CPLANE1: variants seen among roughly 807,000 people sequenced by gnomAD.
CPLANE1 encodes the protein ciliogenesis and planar polarity effector complex subunit 1.
Under a neutral mutation model 362.5 loss-of-function variants are expected in CPLANE1, and 263 were observed. The ratio of observed to expected loss-of-function variants is 0.73; its 90% confidence interval spans 0.66 to 0.80. The LOEUF (loss-of-function observed/expected upper bound fraction) is 0.80. Ranked by LOEUF, CPLANE1 falls within the 30% of genes least tolerant of loss-of-function variation. The pLI, the probability that CPLANE1 is intolerant of heterozygous loss-of-function variation, is 0.00. For synonymous variants in CPLANE1, 1,212 were observed against 1,302.6 expected (o/e 0.93, Z 1.50); for missense variants, 3,461 against 3,793.4 (o/e 0.91, Z 2.30).
At chr5:37,191,039 G>A (rs1482943890) in intron 21 of CPLANE1, among the ~76,000 whole-genome samples, 2 of 152,138 alleles carry the variant, frequency 1.3e-5, no homozygotes, top group Non-Finnish European at 2.9e-5. Context: ...TCTAGAAGAA[G>A]GCATTGTTAT....
intron 41 of CPLANE1, 74 bp from the exon 42 acceptor site, chr5:37,154,067 G>T: frequency 7.6e-7 from 1 of 1,319,922 alleles, no homozygotes; most frequent in Non-Finnish European, 1.0e-6. Flanking sequence ...CTCATTTTTT[G>T]ATGACTTCAT....
At chr5:37,075,933 G>T in the CPLANE1 span, among the ~76,000 whole-genome samples, 8 of 151,920 alleles carry the variant, frequency 5.3e-5, no homozygotes, top group Admixed American at 5.2e-4. Flanking sequence ...TTTAATACAG[G>T]TATTGCACTC....
At chr5:37,212,512 AAG>A (rs906801390) in intron 16 of CPLANE1, 11 of 579,530 alleles carry the variant, frequency 1.9e-5, no homozygotes, top group East Asian at 6.6e-5. Context: ...AAAAAAAAGA[AAG>A]AAACTACAAA....
chr5:37,100,212 G>T, the CPLANE1 span, among the ~76,000 whole-genome samples: 1 of 152,092 alleles, frequency 6.6e-6, no homozygotes, highest in African/African-American at 2.4e-5. Context: ...GTACTGCCTA[G>T]ATTTTCTTCT....
intron 21 of CPLANE1, 40 bp from the exon 22 acceptor site, chr5:37,187,882 T>C: frequency 7.1e-7 from 1 of 1,409,852 alleles, no homozygotes; most frequent in Non-Finnish European, 9.9e-7. Flanking sequence ...ATCACATGAG[T>C]ATGTACATTA....
At chr5:37,198,608 C>A (rs1359670377) in intron 20 of CPLANE1, 94 bp downstream of exon 20, 1 of 1,237,700 alleles carries the variant, frequency 8.1e-7, no homozygotes, top group East Asian at 2.6e-5. Flanking sequence ...TAGGGCAGGA[C>A]TCCTTGGGAA....
In CPLANE1 at chr5:37,173,755, C is replaced by T. The variant is rs774414058; in HGVS notation, c.6171G>A (p.Gln2057=). 1.9e-6 allele frequency: 3 copies of T among 1,613,038 alleles called. No individual in the cohort carries two copies. Among genetic ancestry groups the T allele is most frequent in the Admixed American group, 3.3e-5 (2 of 59,964 alleles). The change falls in exon 32 of 53, where the codon CAG becomes CAA. Residue 2057 remains glutamine (Q), a splice_region_variant and synonymous_variant. Coordinates refer to ENST00000651892, the MANE Select transcript of CPLANE1 (RefSeq NM_001384732.1). ...MLQDEMFKLV[Q]LQQINFMSLM... is the part of the protein sequence containing the mutation. ...CTTACTTATATAGAGATGTGCTTAC[C>T]TGAACTAATTTAAACATTTCATCTT...
intron 32 of CPLANE1, among the ~76,000 whole-genome samples, chr5:37,172,840 G>C (rs1780169702): frequency 6.6e-6 from 1 of 152,072 alleles, no homozygotes; most frequent in African/African-American, 2.4e-5. Flanking sequence ...ATAAAAATTA[G>C]CCAGGCAAGG....
the CPLANE1 span, among the ~76,000 whole-genome samples, chr5:37,096,097 CAA>C: frequency 1.3e-5 from 2 of 151,876 alleles, no homozygotes; most frequent in African/African-American, 2.4e-5. Flanking sequence ...CATATGGAAC[CAA>C]AAAAGAGCCC....
chr5:37,182,855 G>A lies in CPLANE1; in HGVS notation c.5326C>T (p.Arg1776Cys), dbSNP rs373075185. ...ESSSEYSPVI[R>C]VKTSTAAILT... The stretch of plus-strand genomic sequence containing the variant: ...ATGGCAGCTGTAGAGGTCTTTACAC[G>A]AATTACTGGACTGTACTCAGAGGAT... Residue 1776 changes from arginine (R) to cysteine (C), a missense_variant, in exon 26 of 53, where the codon CGT becomes TGT. By Grantham distance (180) the Arg-to-Cys change is radical. This residue lies in a region of CPLANE1 where 3,380 missense variants were observed against 3,666.1 expected (regional missense o/e 0.92). Transcript: ENST00000651892. 1.3e-4 allele frequency: 203 copies of A among 1,612,832 alleles called. 2 individuals carry two copies. The South Asian group carries it at 2.0e-3, about 16-fold the overall frequency.
intron 9 of CPLANE1, among the ~76,000 whole-genome samples, chr5:37,229,154 T>G (rs559247673): frequency 2.1e-5 from 3 of 142,794 alleles, no homozygotes; most frequent in Non-Finnish European, 3.1e-5. Context: ...GAGGTGGTGG[T>G]TGCAGTAAGC....
chr5:37,151,180 A>G (rs1773459342), intron 42 of CPLANE1, among the ~76,000 whole-genome samples: 2 of 152,174 alleles, frequency 1.3e-5, no homozygotes, highest in Non-Finnish European at 1.5e-5. Flanking sequence ...TCTACCTCTA[A>G]GTAATGCTCA....
Position 37,106,958 on chromosome 5 carries a change from G to A in CPLANE1, c.*644C>T, listed in dbSNP as rs868048285. On this transcript the variant is annotated 3_prime_UTR_variant, in exon 53 of 53. Transcript: ENST00000651892. ...CAAATTTAAGATGAGCCTTCTAGAG[G>A]CCGGAGTCATATTCCCTTACTTTCC... is the stretch of plus-strand genomic sequence containing the variant. 2 of 985,342 alleles carry A rather than the reference G, an allele frequency of 2.0e-6. No homozygotes were observed. 61.0% of individuals were successfully genotyped at this position (985,342 alleles called of 1,614,324 possible). A position where few individuals can be genotyped will look rare whatever the true frequency, so the allele number is the denominator to read the frequency against.
At chr5:37,151,721 TTTGGATGTGA>T (rs1005648656) in intron 42 of CPLANE1, among the ~76,000 whole-genome samples, 6 of 152,156 alleles carry the variant, frequency 3.9e-5, no homozygotes, top group Admixed American at 3.9e-4. Context: ...TGTACATTTA[TTTGGATGTGA>T]CAGATCTAAA....
At chr5:37,120,509 G>A (rs1372733365) in intron 49 of CPLANE1, among the ~76,000 whole-genome samples, 169 bp from the exon 50 acceptor site, 1 of 152,216 alleles carries the variant, frequency 6.6e-6, no homozygotes, top group Non-Finnish European at 1.5e-5. Flanking sequence ...AGTCGAGGCT[G>A]TGGTGTGCCA....
intron 49 of CPLANE1, 121 bp from the exon 50 acceptor site, chr5:37,120,461 T>C (rs1276343833): frequency 9.3e-6 from 7 of 749,770 alleles, no homozygotes; most frequent in Non-Finnish European, 1.0e-5. Context: ...CCCCAGCTAC[T>C]GGCGAGGGTG....
Position 37,227,276 on chromosome 5 carries a change from T to G in CPLANE1, c.1488A>C (p.Glu496Asp). The G allele has an allele frequency of 6.4e-7, 1 of 1,552,160 alleles. No individual in the cohort carries two copies. Among genetic ancestry groups the G allele is most frequent in the East Asian group, 2.4e-5 (1 of 40,888 alleles). Residue 496 changes from glutamate to aspartate, a missense_variant, in exon 11 of 53, where the codon GAA becomes GAC. Coordinates refer to ENST00000651892, the MANE Select transcript of CPLANE1 (RefSeq NM_001384732.1). ...DFTVPKFLQA[E>D]ETINENAADF... ...CTGCTGCATTTTCATTTATTGTTTCTTCTGCCTGCAAGAATTTGGGGACAG... is the reference window on the plus strand; with the variant it reads ...CTGCTGCATTTTCATTTATTGTTTCGTCTGCCTGCAAGAATTTGGGGACAG...
chr5:37,106,106 A>T (rs544942907), downstream of CPLANE1: 1 of 152,332 alleles, frequency 6.6e-6, no homozygotes, highest in East Asian at 1.9e-4. Flanking sequence ...GGGAATGCAA[A>T]TTAGTATAGC....
At chr5:37,150,828 AC>A (rs1193775583) in intron 42 of CPLANE1, among the ~76,000 whole-genome samples, 1 of 152,188 alleles carries the variant, frequency 6.6e-6, no homozygotes, top group Non-Finnish European at 1.5e-5. Context: ...CAGGGCTCTA[AC>A]CAGACCTACT....
Sources: allele counts gnomAD v4.1 joint callset (sites outside exome capture counted in the v4.1 genomes callset), GRCh38; gene constraint gnomAD v4.1.1; regional missense constraint gnomAD v4.1.1; transcripts MANE v1.5; gene names NCBI Gene and HGNC (gene_info 2026-07-23, HGNC 2026-07-21).